Variants in GPC5 observed in about 807,000 individuals in gnomAD.
GPC5 encodes glypican-5.
A neutral mutation model predicts 53.9 loss-of-function variants in GPC5; 47 were observed. The observed-to-expected ratio is 0.87, with a 90% CI of 0.69 to 1.11. The LOEUF (loss-of-function observed/expected upper bound fraction) is 1.11. Among genes scored for constraint, GPC5 ranks in the 50% most tolerant of loss-of-function variants. GPC5 has a pLI of 0.00. For missense variants in GPC5, 748 were observed against 713.1 expected, an observed-to-expected ratio of 1.05 and a Z score of -0.56; for synonymous variants, 286 against 263.3, an observed-to-expected ratio of 1.09 and a Z score of -0.84.
chr13:91,756,807 A>C (rs1290633963), intron 5 of GPC5, among the ~76,000 whole-genome samples: 1 of 151,820 alleles, frequency 6.6e-6, no homozygotes, highest in Non-Finnish European at 1.5e-5. Context: ...TACCTATTCA[A>C]AGATTCATTG....
chr13:92,095,482 G>C (rs1422549686), intron 6 of GPC5, among the ~76,000 whole-genome samples: 1 of 151,910 alleles, frequency 6.6e-6, no homozygotes, highest in African/African-American at 2.4e-5. Context: ...CTTGTAGCTG[G>C]GACTACAGGT....
intron 2 of GPC5, among the ~76,000 whole-genome samples, chr13:91,468,064 T>C (rs1882360609): frequency 2.0e-5 from 3 of 152,086 alleles, no homozygotes; most frequent in South Asian, 4.1e-4. Context: ...TCTGAGATGT[T>C]TGGCTTTAGT....
chr13:92,189,779 G>A (rs2042210498), intron 7 of GPC5, among the ~76,000 whole-genome samples: 1 of 152,088 alleles, frequency 6.6e-6, no homozygotes, highest in African/African-American at 2.4e-5. Flanking sequence ...TTCCAGGAAA[G>A]ATTAAAGAAA....
chr13:91,451,645 T>C (rs1316793660), intron 2 of GPC5, among the ~76,000 whole-genome samples: 1 of 150,456 alleles, frequency 6.6e-6, no homozygotes, highest in African/African-American at 2.5e-5. Flanking sequence ...CGAGGTGGAG[T>C]CTTGTTCTGT....
intron 2 of GPC5, among the ~76,000 whole-genome samples, chr13:91,614,695 A>G (rs1230467045): frequency 6.6e-6 from 1 of 152,122 alleles, no homozygotes; most frequent in East Asian, 1.9e-4. Context: ...GAGAAAATAG[A>G]AGAGAAATCT....
chr13:92,750,884 C>T (rs988885352), intron 7 of GPC5, among the ~76,000 whole-genome samples: 1 of 152,068 alleles, frequency 6.6e-6, no homozygotes, highest in African/African-American at 2.4e-5. Context: ...GTTTTCTGGC[C>T]TTCAACAGTG....
chr13:91,598,719 T>C (rs2033079690), intron 2 of GPC5, among the ~76,000 whole-genome samples: 1 of 152,086 alleles, frequency 6.6e-6, no homozygotes, highest in Non-Finnish European at 1.5e-5. Context: ...CAAAAACAAG[T>C]ATATCATGTA....
At chr13:91,444,666 T>C (rs1346767395) in intron 1 of GPC5, among the ~76,000 whole-genome samples, 1 of 152,218 alleles carries the variant, frequency 6.6e-6, no homozygotes, top group African/African-American at 2.4e-5. Flanking sequence ...CTTGAATCCC[T>C]GTTCTGTTGA....
intron 7 of GPC5, among the ~76,000 whole-genome samples, chr13:92,525,723 A>C (rs2138976396): frequency 6.6e-6 from 1 of 152,110 alleles, no homozygotes; most frequent in Admixed American, 6.6e-5. Context: ...CTTCCAAAAT[A>C]ACTGCCAAAG....
At chr13:92,768,715 C>G (rs1875503700) in intron 7 of GPC5, among the ~76,000 whole-genome samples, 1 of 151,746 alleles carries the variant, frequency 6.6e-6, no homozygotes, top group Non-Finnish European at 1.5e-5. Flanking sequence ...TTCTTTGACT[C>G]TCTTCCCCCT....
intron 7 of GPC5, among the ~76,000 whole-genome samples, chr13:92,657,389 T>C (rs1374051421): frequency 1.3e-5 from 2 of 152,176 alleles, no homozygotes; most frequent in East Asian, 1.9e-4. Flanking sequence ...TAAAGTCTTT[T>C]CATGCTAAGT....
At chr13:92,280,864 C>T (rs1036349116) in intron 7 of GPC5, among the ~76,000 whole-genome samples, 8 of 152,086 alleles carry the variant, frequency 5.3e-5, no homozygotes, top group Admixed American at 2.0e-4. Context: ...ACTGAGGTAC[C>T]GGGTTCATCT....
At chr13:91,620,768 G>T (rs558467294) in intron 2 of GPC5, among the ~76,000 whole-genome samples, 1 of 152,262 alleles carries the variant, frequency 6.6e-6, no homozygotes, top group South Asian at 2.1e-4. Flanking sequence ...TGATGCCGAT[G>T]AACTTGGTCT....
chr13:91,937,194 C>T (rs1004320601), intron 6 of GPC5, among the ~76,000 whole-genome samples: 5 of 152,050 alleles, frequency 3.3e-5, no homozygotes, highest in African/African-American at 4.8e-5. Context: ...GTAACAACCA[C>T]TCATGTAAAG....
chr13:92,321,647 A>T (rs1461246399), intron 7 of GPC5, among the ~76,000 whole-genome samples: 1 of 147,000 alleles, frequency 6.8e-6, no homozygotes, highest in Non-Finnish European at 1.5e-5. Flanking sequence ...ATACATACAT[A>T]CAATAGAATT....
In GPC5 at chr13:92,676,122, A is replaced by G. The variant is rs572752118; in HGVS notation, c.1562-190160A>G. Among the ~76,000 whole-genome samples, 10 of 152,318 alleles carry G rather than the reference A, an allele frequency of 6.6e-5. No homozygotes were observed. The East Asian group carries it at 1.9e-3, about 29-fold the overall frequency. Reference sequence around the variant, plus strand: ...CATGCTATGGCTATAAGGAAATTATATCAAACATGAGTAAATTTTGTTGAC... The same window carrying G: ...CATGCTATGGCTATAAGGAAATTATGTCAAACATGAGTAAATTTTGTTGAC... On this transcript the variant is annotated intron_variant, in intron 7 of 7. Transcript: ENST00000377067.
At chr13:92,556,671 T>TA (rs1882505052) in intron 7 of GPC5, among the ~76,000 whole-genome samples, 1 of 151,852 alleles carries the variant, frequency 6.6e-6, no homozygotes, top group African/African-American at 2.4e-5. Context: ...CCCCTTTTTT[T>TA]AATGTAGTAA....
At chr13:91,756,455 C>T in intron 5 of GPC5, 35 bp downstream of exon 5, 1 of 1,520,250 alleles carries the variant, frequency 6.6e-7, no homozygotes, top group Non-Finnish European at 8.9e-7. Context: ...CTACTAGTTA[C>T]ATCATCCTTG....
intron 7 of GPC5, among the ~76,000 whole-genome samples, chr13:92,182,664 A>C (rs1299066422): frequency 6.6e-6 from 1 of 152,130 alleles, no homozygotes; most frequent in Admixed American, 6.6e-5. Context: ...CAGGAGATCG[A>C]GACCATCCTG....
Sources: allele counts gnomAD v4.1 joint callset (sites outside exome capture counted in the v4.1 genomes callset), GRCh38; gene constraint gnomAD v4.1.1; transcripts MANE v1.5; gene names NCBI Gene and HGNC (gene_info 2026-07-23, HGNC 2026-07-21).